Variants in CLYBL observed in about 807,000 individuals in gnomAD.
The protein encoded by CLYBL is citramalyl-CoA lyase, mitochondrial.
A neutral mutation model predicts 38.9 loss-of-function variants in CLYBL; 31 were observed. That is an observed-to-expected ratio of 0.80 (90% CI 0.60 to 1.08). The LOEUF (loss-of-function observed/expected upper bound fraction) is 1.08. CLYBL is among the 50% of genes least tolerant of loss of function. The pLI is 0.00. For synonymous variants in CLYBL, 171 were observed against 158.6 expected, an observed-to-expected ratio of 1.08 and a Z score of -0.59; for missense variants, 434 against 411.6, an observed-to-expected ratio of 1.05 and a Z score of -0.47.
intron 1 of CLYBL, among the ~76,000 whole-genome samples, chr13:99,731,667 A>T (rs1310038279): frequency 7.2e-5 from 11 of 152,172 alleles, no homozygotes; most frequent in African/African-American, 2.7e-4. Flanking sequence ...CGGAGGGTAG[A>T]TAGGTGTTAG....
At chr13:99,652,780 A>G (rs1268142886) in intron 1 of CLYBL, among the ~76,000 whole-genome samples, 1 of 152,246 alleles carries the variant, frequency 6.6e-6, no homozygotes, top group Non-Finnish European at 1.5e-5. Flanking sequence ...CATAACAGGC[A>G]GGCTCTCGCC....
chr13:99,703,342 T>A (rs2048097702), intron 1 of CLYBL, among the ~76,000 whole-genome samples: 1 of 152,118 alleles, frequency 6.6e-6, no homozygotes, highest in African/African-American at 2.4e-5. Context: ...TTTTTTAGTG[T>A]GTGGATGCCT....
intron 7 of CLYBL, among the ~76,000 whole-genome samples, chr13:99,878,694 T>A (rs565087977): frequency 6.6e-6 from 1 of 152,338 alleles, no homozygotes; most frequent in Admixed American, 6.5e-5. Context: ...CAAAACCTAA[T>A]TTGATGGCAA....
chr13:99,726,262 T>G (rs946061888), intron 1 of CLYBL: 3 of 152,206 alleles, frequency 2.0e-5, no homozygotes, highest in Non-Finnish European at 4.4e-5. Flanking sequence ...CAAATATTAT[T>G]TATTAAACTC....
intron 1 of CLYBL, among the ~76,000 whole-genome samples, chr13:99,615,493 G>A (rs1208606710): frequency 2.0e-5 from 3 of 152,158 alleles, no homozygotes; most frequent in Non-Finnish European, 4.4e-5. Flanking sequence ...TGCAGCTGGA[G>A]CTGTGTTCTG....
chr13:99,624,548 C>G (rs182518521), intron 1 of CLYBL, among the ~76,000 whole-genome samples: 6 of 152,332 alleles, frequency 3.9e-5, no homozygotes, highest in Admixed American at 6.5e-5. Context: ...AGTATTCTCT[C>G]TTTTGTGAAA....
At chr13:99,695,028 C>T (rs982156847) in intron 1 of CLYBL, among the ~76,000 whole-genome samples, 4 of 152,176 alleles carry the variant, frequency 2.6e-5, no homozygotes, top group Admixed American at 6.5e-5. Flanking sequence ...TCAGGTTCCT[C>T]ATCCATCCCA....
chr13:99,677,538 G>A (rs538530909), intron 1 of CLYBL, among the ~76,000 whole-genome samples: 21 of 152,292 alleles, frequency 1.4e-4, no homozygotes, highest in African/African-American at 4.8e-4. Context: ...TTTTTTGGCA[G>A]TAGTTATTAA....
chr13:99,728,084 A>G (rs2048510883), intron 1 of CLYBL, among the ~76,000 whole-genome samples: 1 of 152,120 alleles, frequency 6.6e-6, no homozygotes, highest in Non-Finnish European at 1.5e-5. Flanking sequence ...TCAAAAAATA[A>G]AAATATAGAC....
chr13:99,882,308 C>G (rs1331763612), intron 7 of CLYBL, among the ~76,000 whole-genome samples: 1 of 152,084 alleles, frequency 6.6e-6, no homozygotes, highest in Non-Finnish European at 1.5e-5. Flanking sequence ...ATTGTTTGCA[C>G]CTGTAAAACT....
At position 99,858,153 on chromosome 13, in the gene CLYBL, A is replaced by C. The variant is rs369146870; in HGVS notation, c.250-708A>C. On this transcript the variant is annotated intron_variant, in intron 2 of 8. Transcript: ENST00000339105. ...GGGGACAATTCAAATACTGAAGCAG[A>C]CTTTCAGCCTTTCAGCTTTTCTGAA... 3.3e-5 allele frequency among the ~76,000 whole-genome samples: 5 copies of C among 152,324 alleles called. No individual in the cohort carries two copies. In the East Asian group the frequency reaches 7.7e-4, roughly 23 times the overall value.
intron 1 of CLYBL, among the ~76,000 whole-genome samples, chr13:99,610,173 A>G (rs1436413414): frequency 2.0e-5 from 3 of 152,220 alleles, no homozygotes; most frequent in African/African-American, 4.8e-5. Flanking sequence ...AAGCAGTGGA[A>G]TTCTAGGCAT....
chr13:99,616,845 A>G (rs2046719240), intron 1 of CLYBL, among the ~76,000 whole-genome samples: 1 of 152,064 alleles, frequency 6.6e-6, no homozygotes, highest in South Asian at 2.1e-4. Context: ...AGTCCCAGCT[A>G]CTCAGGAGAC....
In CLYBL at chr13:99,870,907, C is replaced by T. The variant is rs370493737; in HGVS notation, c.803-31C>T. 322 of 1,568,974 alleles carry T rather than the reference C, an allele frequency of 2.1e-4. 3 individuals carry two copies. The South Asian group carries it at 2.6e-3, about 13-fold the overall frequency. ...TTGTTTGAACATCTGTTCGTTGTTT[C>T]GTGGTTCCGATGTTATTAATATTCT... On this transcript the variant is annotated intron_variant, in intron 6 of 8. Coordinates refer to ENST00000339105, the MANE Select transcript of CLYBL (RefSeq NM_206808.5).
At chr13:99,738,000 G>A (rs1307845200) in intron 1 of CLYBL, among the ~76,000 whole-genome samples, 1 of 152,204 alleles carries the variant, frequency 6.6e-6, no homozygotes, top group Admixed American at 6.5e-5. Flanking sequence ...TGAAGTTAAG[G>A]AAGAAAATTT....
At chr13:99,772,584 A>G (rs1644731671) in intron 1 of CLYBL, among the ~76,000 whole-genome samples, 1 of 152,104 alleles carries the variant, frequency 6.6e-6, no homozygotes, top group African/African-American at 2.4e-5. Flanking sequence ...TGTAGTCCCA[A>G]CTACTGGGGA....
At chr13:99,659,607 T>C (rs2047380563) in intron 1 of CLYBL, among the ~76,000 whole-genome samples, 1 of 152,216 alleles carries the variant, frequency 6.6e-6, no homozygotes, top group African/African-American at 2.4e-5. Flanking sequence ...TATTTAATGA[T>C]GCCAGGAATA....
intron 7 of CLYBL, among the ~76,000 whole-genome samples, chr13:99,889,365 G>T (rs940964317): frequency 1.3e-5 from 2 of 152,162 alleles, no homozygotes; most frequent in Non-Finnish European, 2.9e-5. Context: ...AAAACTAGAC[G>T]ATTGCCTTGT....
intron 4 of CLYBL, among the ~76,000 whole-genome samples, chr13:99,863,907 T>A (rs9554645): frequency 0.09 from 13,645 of 151,984 alleles, 1,222 homozygotes; most frequent in East Asian, 0.38. Flanking sequence ...GGAGAGAGAA[T>A]GTGTGAGCGG....
Sources: gnomAD v4.1 joint callset for allele counts (sites outside exome capture counted in the v4.1 genomes callset) on GRCh38, gnomAD v4.1.1 for gene constraint, MANE v1.5 for transcripts, NCBI Gene and HGNC (gene_info 2026-07-23, HGNC 2026-07-21) for gene names.